Variants in TMTC3 observed in about 807,000 individuals in gnomAD.
The protein encoded by TMTC3 is transmembrane O-mannosyltransferase targeting cadherins 3.
Under a neutral mutation model 92.2 loss-of-function variants are expected in TMTC3, and 52 were observed. The ratio of observed to expected loss-of-function variants is 0.56; its 90% CI spans 0.45 to 0.71. The LOEUF (loss-of-function observed/expected upper bound fraction) is 0.71, where lower values mean the gene tolerates loss of function less well. TMTC3 is among the 30% of genes least tolerant of loss of function. The pLI, the probability that TMTC3 is intolerant of heterozygous loss-of-function variation, is 0.00. For synonymous variants in TMTC3, 339 were observed against 363.3 expected, an observed-to-expected ratio of 0.93 and a Z score of 0.76; for missense variants, 896 against 1,057.1, an observed-to-expected ratio of 0.85 and a Z score of 2.11.
At chr12:88,164,896 T>G (rs1019217420) in intron 6 of TMTC3, among the ~76,000 whole-genome samples, 12 of 152,168 alleles carry the variant, frequency 7.9e-5, no homozygotes, top group African/African-American at 2.9e-4. Context: ...GTTAATATCC[T>G]GGATTTTTAT....
chr12:88,187,879 C>T (rs922296786), intron 10 of TMTC3, among the ~76,000 whole-genome samples: 1 of 152,164 alleles, frequency 6.6e-6, no homozygotes. Context: ...CTTCTACCTT[C>T]CTTCTATCAT....
intron 8 of TMTC3, 151 bp downstream of exon 8, chr12:88,172,896 A>G (rs2041221071): frequency 6.6e-7 from 1 of 1,507,606 alleles, no homozygotes; most frequent in South Asian, 1.2e-5. Context: ...TTGTAAGTCA[A>G]GTTAGGAAAG....
At chr12:88,169,894 A>G (rs911641643) in intron 7 of TMTC3, among the ~76,000 whole-genome samples, 3 of 151,344 alleles carry the variant, frequency 2.0e-5, no homozygotes, top group Non-Finnish European at 2.9e-5. Context: ...GACTATGATC[A>G]TGCCACTATA....
chr12:88,199,804 T>C lies in TMTC3; in HGVS notation c.*4155T>C, dbSNP rs2041561480. On this transcript the variant is annotated 3_prime_UTR_variant, in exon 14 of 14. Coordinates refer to ENST00000266712, the MANE Select transcript of TMTC3 (RefSeq NM_181783.4). ...CTTCGTCAACATTTCTGTGACTCAA[T>C]GGATAGCATATTTCCATCAAGTAGC... is the stretch of plus-strand genomic sequence containing the variant. The C allele has an allele frequency of 6.6e-6, 1 of 152,212 alleles. No individual in the cohort carries two copies. The highest frequency in any genetic ancestry group is 6.5e-5 in the Admixed American group (1 of 15,278). The allele number at this position is 152,212 out of a possible 1,614,324, so 9.4% of individuals were successfully genotyped here. A position where few individuals can be genotyped will look rare whatever the true frequency, so the allele number is the denominator to read the frequency against.
chr12:88,158,308 T>C (rs1227039638), intron 4 of TMTC3, among the ~76,000 whole-genome samples: 1 of 152,212 alleles, frequency 6.6e-6, no homozygotes, highest in Non-Finnish European at 1.5e-5. Flanking sequence ...TATTTCTACA[T>C]CCACCTTTCC....
intron 4 of TMTC3, among the ~76,000 whole-genome samples, chr12:88,156,811 G>GTTTTTT (rs56284816): frequency 7.3e-6 from 1 of 136,742 alleles, no homozygotes; most frequent in Non-Finnish European, 1.6e-5. Context: ...GTGTGTGTGT[G>GTTTTTT]TTTTTTTTTT....
chr12:88,187,136 C>T (rs2041386368), intron 10 of TMTC3, among the ~76,000 whole-genome samples: 1 of 147,748 alleles, frequency 6.8e-6, no homozygotes, highest in African/African-American at 2.5e-5. Context: ...ACATTCTGAG[C>T]TCTATAAACA....
chr12:88,195,050 G>T lies in TMTC3; in HGVS notation c.2146G>T (p.Ala716Ser). 1 of 1,613,804 alleles carries T rather than the reference G, an allele frequency of 6.2e-7. No homozygotes were observed. The highest frequency in any genetic ancestry group is 8.5e-7 in the Non-Finnish European group (1 of 1,179,898). The change falls in exon 14 of 14, where the codon GCA becomes TCA. Residue 716 changes from alanine (A) to serine (S), a missense_variant. Transcript: ENST00000266712. ...FNLALLYSQT[A>S]KELKALPILE... ...TCTGGCTCTCCTGTATTCCCAGACT[G>T]CAAAGGAATTAAAGGCTTTGCCAAT...
intron 11 of TMTC3, among the ~76,000 whole-genome samples, chr12:88,189,737 A>T (rs1402984473): frequency 1.3e-5 from 2 of 152,140 alleles, no homozygotes; most frequent in Non-Finnish European, 2.9e-5. Context: ...TAGTTAATTT[A>T]TTCCAGAATA....
chr12:88,144,609 A>C (rs930313896), intron 1 of TMTC3, among the ~76,000 whole-genome samples: 1 of 152,188 alleles, frequency 6.6e-6, no homozygotes, highest in Non-Finnish European at 1.5e-5. Flanking sequence ...TAATTGATGA[A>C]GCTAAGATTG....
chr12:88,174,555 C>T, intron 8 of TMTC3, 52 bp from the exon 9 acceptor site: 1 of 1,573,830 alleles, frequency 6.4e-7, no homozygotes, highest in Non-Finnish European at 8.6e-7. Flanking sequence ...AGGTAAAATG[C>T]TTTTGGTGAT....
chr12:88,176,235 A>G lies in TMTC3; in HGVS notation c.1348A>G (p.Asn450Asp). The G allele has an allele frequency of 6.2e-7, 1 of 1,610,812 alleles. No individual in the cohort carries two copies. The highest frequency in any genetic ancestry group is 8.5e-7 in the Non-Finnish European group (1 of 1,178,534). The change falls in exon 10 of 14, where the codon AAT becomes GAT. Residue 450 changes from asparagine to aspartate, a missense_variant. Transcript: ENST00000266712. ...KVNKNNAKLW[N>D]NVGHALENEK... ...AAATAAAAATAATGCCAAACTTTGG[A>G]ATAATGTGGGTCATGCTCTGGAAAA...
Position 88,195,486 on chromosome 12 carries a change from C to T in TMTC3, c.2582C>T (p.Thr861Ile). ...GESRQTQIVKTSDNKSQSKSN... is the reference protein window; with the variant it reads ...GESRQTQIVKISDNKSQSKSN... ...TCCAGACAAACACAAATAGTAAAAA[C>T]AAGTGATAATAAAAGTCAGTCTAAA... Residue 861 changes from threonine to isoleucine, a missense_variant, in exon 14 of 14, where the codon ACA becomes ATA. By Grantham distance (89) the Thr-to-Ile change is moderately conservative. Transcript: ENST00000266712. The T allele has an allele frequency of 1.2e-6, 2 of 1,612,692 alleles. No homozygotes were observed. Among genetic ancestry groups the T allele is most frequent in the Non-Finnish European group, 1.7e-6 (2 of 1,179,558 alleles).
At chr12:88,184,809 A>C (rs145627034) in intron 10 of TMTC3, among the ~76,000 whole-genome samples, 3 of 152,308 alleles carry the variant, frequency 2.0e-5, no homozygotes, top group African/African-American at 7.2e-5. Context: ...CAAAATATAT[A>C]TATACACACA....
intron 2 of TMTC3, among the ~76,000 whole-genome samples, chr12:88,150,114 C>T (rs1242962909): frequency 2.6e-5 from 4 of 152,130 alleles, no homozygotes; most frequent in Admixed American, 2.6e-4. Flanking sequence ...GTTTTATTGG[C>T]TCACAGTTCT....
intron 7 of TMTC3, 95 bp downstream of exon 7, chr12:88,166,677 A>G (rs976644872): frequency 9.4e-5 from 128 of 1,355,816 alleles, no homozygotes; most frequent in Non-Finnish European, 1.2e-4. Context: ...TTTTAGAAGC[A>G]CTCCTTTCTT....
chr12:88,169,342 G>T (rs890103538), intron 7 of TMTC3, among the ~76,000 whole-genome samples: 1 of 151,594 alleles, frequency 6.6e-6, no homozygotes, highest in Non-Finnish European at 1.5e-5. Flanking sequence ...TAAAAGAAAG[G>T]TTAAAAAAAA....
rs114797024 is a variant in TMTC3, at chr12:88,181,071, T to C, written c.1432+4752T>C. ...TCCTTGAGGTTATAAGGGATACCTGTGGAATGTTGGATGTTCCACGTGTGA... is the reference window on the plus strand; with the variant it reads ...TCCTTGAGGTTATAAGGGATACCTGCGGAATGTTGGATGTTCCACGTGTGA... On this transcript the variant is annotated intron_variant, in intron 10 of 13. Coordinates refer to ENST00000266712, the MANE Select transcript of TMTC3 (RefSeq NM_181783.4). 6.7e-3 allele frequency among the ~76,000 whole-genome samples: 1,025 copies of C among 152,296 alleles called. 17 individuals carry two copies. Among genetic ancestry groups the C allele is most frequent in the African/African-American group, 0.024 (986 of 41,566 alleles).
chr12:88,153,233 T>A, intron 2 of TMTC3, 58 bp from the exon 3 acceptor site: 1 of 1,172,842 alleles, frequency 8.5e-7, no homozygotes, highest in Non-Finnish European at 1.2e-6. Flanking sequence ...AGTGATGAGC[T>A]TTTGTACCCT....
Sources: allele counts gnomAD v4.1 joint callset (sites outside exome capture counted in the v4.1 genomes callset), GRCh38; gene constraint gnomAD v4.1.1; transcripts MANE v1.5; gene names NCBI Gene and HGNC (gene_info 2026-07-23, HGNC 2026-07-21).